The following PCDHA8 variants were observed in gnomAD, a reference collection of about 807,000 sequenced individuals.
PCDHA8 encodes protocadherin alpha 8, also known as protocadherin alpha-8.
In PCDHA8, 53 loss-of-function variants were observed where a neutral mutation model predicts 61.8. That is an observed-to-expected ratio of 0.86 (90% CI 0.69 to 1.08). The LOEUF is 1.08. Among genes scored for constraint, PCDHA8 ranks in the 50% least tolerant of loss-of-function variants. The pLI, the probability that PCDHA8 is intolerant of heterozygous loss-of-function variation, is 0.00. For missense variants in PCDHA8, 1,293 were observed against 1,245.0 expected (o/e 1.04, Z -0.58); for synonymous variants, 618 against 556.6 (o/e 1.11, Z -1.55).
chr5:140,929,311 A>G lies in PCDHA8; in HGVS notation c.2395-49638A>G, dbSNP rs782099747. The stretch of plus-strand genomic sequence containing the variant: ...TCGGAATAGGAAAGGGGATCACGCT[A>G]ATGTCAATGCCATGGTAAGCAAATT... On this transcript the variant is annotated intron_variant, in intron 1 of 3. Coordinates refer to ENST00000531613, the MANE Select transcript of PCDHA8 (RefSeq NM_018911.3). The G allele has an allele frequency of 1.9e-6, 3 of 1,567,640 alleles. No individual in the cohort carries two copies. The South Asian group carries it at 3.5e-5, about 18-fold the overall frequency.
chr5:140,894,941 C>T (rs2064738715), intron 1 of PCDHA8, among the ~76,000 whole-genome samples: 1 of 152,272 alleles, frequency 6.6e-6, no homozygotes, highest in East Asian at 1.9e-4. Context: ...CAGCTATTGT[C>T]ATGAAATGAT....
chr5:140,885,641 T>G (rs917089389), intron 1 of PCDHA8, among the ~76,000 whole-genome samples: 10 of 152,200 alleles, frequency 6.6e-5, no homozygotes, highest in Admixed American at 6.5e-4. Context: ...GCCTTCCAAG[T>G]ATTTTGGAAC....
intron 1 of PCDHA8, chr5:140,883,703 G>C: frequency 6.2e-7 from 1 of 1,613,802 alleles, no homozygotes; most frequent in Non-Finnish European, 8.5e-7. Context: ...CACGGTGTCT[G>C]CTCAGGACGC....
At chr5:140,857,708 G>C (rs1554150547) in intron 1 of PCDHA8, 8 of 1,597,392 alleles carry the variant, frequency 5.0e-6, no homozygotes, top group Non-Finnish European at 6.0e-6. Flanking sequence ...GCAGGTGTTC[G>C]TGCTGGACGA....
chr5:141,006,944 A>G (rs2098295543), intron 3 of PCDHA8, among the ~76,000 whole-genome samples: 1 of 152,202 alleles, frequency 6.6e-6, no homozygotes, highest in African/African-American at 2.4e-5. Context: ...GATACCAGAT[A>G]GGCAGTTATA....
intron 1 of PCDHA8, among the ~76,000 whole-genome samples, chr5:140,872,410 T>A (rs2053645814): frequency 6.6e-6 from 1 of 152,110 alleles, no homozygotes; most frequent in South Asian, 2.1e-4. Flanking sequence ...GAGAATTGCT[T>A]GAGCCCAAGA....
chr5:140,926,223 TAGA>T, intron 1 of PCDHA8: 1 of 152,200 alleles, frequency 6.6e-6, no homozygotes, highest in Non-Finnish European at 1.5e-5. Flanking sequence ...TCCTTAAGCC[TAGA>T]AGGTGTGGTC....
chr5:140,971,032 G>A (rs540815935), intron 1 of PCDHA8, among the ~76,000 whole-genome samples: 4 of 152,302 alleles, frequency 2.6e-5, no homozygotes, highest in African/African-American at 7.2e-5. Context: ...GCATTTGAAA[G>A]CACGTAAAAG....
intron 1 of PCDHA8, among the ~76,000 whole-genome samples, chr5:140,911,947 G>C (rs559007219): frequency 6.6e-6 from 1 of 152,144 alleles, no homozygotes; most frequent in African/African-American, 2.4e-5. Context: ...TATATATAAA[G>C]GGGAGGTTAC....
At chr5:140,961,001 C>A (rs2095583358) in intron 1 of PCDHA8, among the ~76,000 whole-genome samples, 1 of 152,144 alleles carries the variant, frequency 6.6e-6, no homozygotes, top group Non-Finnish European at 1.5e-5. Context: ...CAATTTGCTG[C>A]TGGACTGCAT....
At position 140,849,443 on chromosome 5, in the gene PCDHA8, C is replaced by G. The variant is rs2150437584; in HGVS notation, c.2394+5728C>G. On this transcript the variant is annotated intron_variant, in intron 1 of 3. Coordinates refer to ENST00000531613, the MANE Select transcript of PCDHA8 (RefSeq NM_018911.3). ...TGGATTTTGAAGAAAGTAGAGCACA[C>G]AAGATCCCAGTCGAGGCTGTCGATA... 1.9e-6 allele frequency: 3 copies of G among 1,584,788 alleles called. 1 individual carries two copies. The highest frequency in any genetic ancestry group is 8.6e-7 in the Non-Finnish European group (1 of 1,160,072).
intron 1 of PCDHA8, chr5:140,871,259 C>A (rs1554165338): frequency 3.1e-6 from 5 of 1,613,958 alleles, no homozygotes; most frequent in Non-Finnish European, 4.2e-6. Context: ...CTGTATACGG[C>A]GCTGTGGTGG....
chr5:140,877,840 G>A, intron 1 of PCDHA8: 1 of 1,580,394 alleles, frequency 6.3e-7, no homozygotes, highest in South Asian at 1.2e-5. Context: ...TCCCAGTGAA[G>A]TAAGTTATTA....
chr5:140,851,143 A>T, intron 1 of PCDHA8: 1 of 1,310,128 alleles, frequency 7.6e-7, no homozygotes, highest in Non-Finnish European at 9.9e-7. Flanking sequence ...TTAAAGTGAC[A>T]TTGAATTTCT....
chr5:140,995,787 T>C (rs2097697894), intron 3 of PCDHA8, among the ~76,000 whole-genome samples: 1 of 152,152 alleles, frequency 6.6e-6, no homozygotes, highest in Non-Finnish European at 1.5e-5. Context: ...AGGTTTAAAA[T>C]TTGTCTCATG....
intron 1 of PCDHA8, chr5:140,877,631 C>T: frequency 6.2e-7 from 1 of 1,613,768 alleles, no homozygotes; most frequent in Non-Finnish European, 8.5e-7. Context: ...CTGTACACTG[C>T]GCTGCGTTGC....
intron 1 of PCDHA8, chr5:140,882,692 A>G (rs998224514): frequency 6.2e-7 from 1 of 1,614,204 alleles, no homozygotes; most frequent in South Asian, 1.1e-5. Context: ...ACGAATAATC[A>G]TTGCAGAATC....
At chr5:140,990,273 G>A (rs2097384089) in intron 3 of PCDHA8, among the ~76,000 whole-genome samples, 2 of 152,100 alleles carry the variant, frequency 1.3e-5, no homozygotes, top group African/African-American at 4.8e-5. Flanking sequence ...AATGTACCCC[G>A]GGTCTTGAGA....
intron 1 of PCDHA8, chr5:140,869,010 T>A (rs919333995): frequency 4.6e-6 from 7 of 1,523,886 alleles, no homozygotes; most frequent in Middle Eastern, 1.8e-4. Context: ...CCTTTGAAAC[T>A]TCTTAAGAAT....
Sources: gnomAD v4.1 joint callset for allele counts (sites outside exome capture counted in the v4.1 genomes callset) on GRCh38, gnomAD v4.1.1 for gene constraint, MANE v1.5 for transcripts, NCBI Gene and HGNC (gene_info 2026-07-23, HGNC 2026-07-21) for gene names.